The following KCNK13 variants were observed in gnomAD, a reference collection of about 807,000 sequenced individuals.
KCNK13 encodes the protein potassium channel subfamily K member 13.
A neutral mutation model predicts 23.4 loss-of-function variants in KCNK13; 12 were observed. That is an observed-to-expected ratio of 0.51 (90% confidence interval 0.33 to 0.83). The LOEUF (loss-of-function observed/expected upper bound fraction) is 0.83, where lower values mean the gene tolerates loss of function less well. KCNK13 is among the 40% of genes least tolerant of loss of function. The probability of loss-of-function intolerance (pLI) is 0.02; values close to 1 mark genes in which losing one functional copy is unlikely to be tolerated. For missense variants in KCNK13, 463 were observed against 556.3 expected, an observed-to-expected ratio of 0.83 and a Z score of 1.69; for synonymous variants, 231 against 229.5, an observed-to-expected ratio of 1.01 and a Z score of -0.06.
intron 1 of KCNK13, among the ~76,000 whole-genome samples, chr14:90,114,999 A>C (rs1379360054): frequency 6.6e-6 from 1 of 152,194 alleles, no homozygotes; most frequent in South Asian, 2.1e-4. Flanking sequence ...GGGCAAAACC[A>C]GCTCTCTTGT....
chr14:90,076,178 C>G (rs200293751), intron 1 of KCNK13, among the ~76,000 whole-genome samples: 51 of 152,368 alleles, frequency 3.3e-4, no homozygotes, highest in East Asian at 2.1e-3. Context: ...AGCATATTGA[C>G]TGCAGGTTGC....
chr14:90,133,020 A>G (rs1457839468), intron 1 of KCNK13, among the ~76,000 whole-genome samples: 1 of 152,164 alleles, frequency 6.6e-6, no homozygotes, highest in Non-Finnish European at 1.5e-5. Context: ...TAGCTTATCT[A>G]ACGTTTGGAC....
intron 1 of KCNK13, among the ~76,000 whole-genome samples, chr14:90,100,244 A>G (rs1245433946): frequency 6.6e-6 from 1 of 152,224 alleles, no homozygotes; most frequent in Admixed American, 6.5e-5. Flanking sequence ...ACCTTGATGT[A>G]AACACGTGAG....
chr14:90,141,576 G>C (rs1890005571), intron 1 of KCNK13, among the ~76,000 whole-genome samples: 1 of 152,058 alleles, frequency 6.6e-6, no homozygotes, highest in African/African-American at 2.4e-5. Flanking sequence ...TCCTGCCTCA[G>C]CCTCCCGAGT....
chr14:90,125,023 G>T (rs28497021), intron 1 of KCNK13, among the ~76,000 whole-genome samples: 3,964 of 152,230 alleles, frequency 0.026, 162 homozygotes, highest in African/African-American at 0.092. Context: ...CACGCTTTTT[G>T]ATGGAAGTTC....
At chr14:90,152,199 G>A (rs1301893215) in intron 1 of KCNK13, among the ~76,000 whole-genome samples, 1 of 152,158 alleles carries the variant, frequency 6.6e-6, no homozygotes, top group Non-Finnish European at 1.5e-5. Flanking sequence ...GTTTTATAAA[G>A]GGCAGTTTCC....
intron 1 of KCNK13, among the ~76,000 whole-genome samples, chr14:90,098,953 C>A: frequency 6.6e-6 from 1 of 152,006 alleles, no homozygotes; most frequent in East Asian, 1.9e-4. Context: ...TGGCAGGTGC[C>A]TGTATTCCCA....
intron 1 of KCNK13, among the ~76,000 whole-genome samples, chr14:90,067,997 G>A (rs1180127956): frequency 4.6e-5 from 7 of 152,140 alleles, no homozygotes; most frequent in African/African-American, 7.2e-5. Flanking sequence ...TGTGGGTGCT[G>A]GTGATGCTGC....
intron 1 of KCNK13, among the ~76,000 whole-genome samples, chr14:90,072,188 G>A (rs1193634568): frequency 6.6e-6 from 1 of 152,158 alleles, no homozygotes; most frequent in Non-Finnish European, 1.5e-5. Context: ...TACCTACTGC[G>A]TCTTCCTTTG....
rs1412894504 is a variant in KCNK13 at position 90,184,499 on chromosome 14, G to T, written c.723G>T (p.Gly241=). The T allele has an allele frequency of 6.2e-7, 1 of 1,614,224 alleles. No individual in the cohort carries two copies. ...TGGCTTTCAGCACCATTGGCTTTGG[G>T]GACCTGGTCAGCAGCCAGAACGCCC... is the stretch of plus-strand genomic sequence containing the variant. ...CFVAFSTIGF[G]DLVSSQNAHY... Residue 241 remains glycine (G), a synonymous_variant, in exon 2 of 2, where the codon GGG becomes GGT. Transcript: ENST00000282146. This position sits in a 1 kb window ranked among gnomAD's most constrained non-coding sequence, Gnocchi z 5.6.
intron 1 of KCNK13, among the ~76,000 whole-genome samples, chr14:90,089,530 A>G (rs1889318301): frequency 6.6e-6 from 1 of 152,236 alleles, no homozygotes; most frequent in Non-Finnish European, 1.5e-5. Context: ...GCAGCCTGAC[A>G]ATATGATAGA....
intron 1 of KCNK13, among the ~76,000 whole-genome samples, chr14:90,071,862 C>A (rs1334637193): frequency 6.6e-6 from 1 of 151,552 alleles, no homozygotes; most frequent in Admixed American, 6.6e-5. Flanking sequence ...CGCACCACTG[C>A]ACTCCAGCCT....
intron 1 of KCNK13, among the ~76,000 whole-genome samples, chr14:90,183,791 G>A (rs1481940638): frequency 1.3e-5 from 2 of 152,212 alleles, no homozygotes; most frequent in African/African-American, 4.8e-5. Flanking sequence ...ATATCTAGCA[G>A]AGAAGGGAAA....
intron 1 of KCNK13, among the ~76,000 whole-genome samples, chr14:90,089,802 G>T (rs541111208): frequency 6.6e-6 from 1 of 152,230 alleles, no homozygotes; most frequent in Non-Finnish European, 1.5e-5. Context: ...ATGACTAAAA[G>T]GGGCCAAGGT....
intron 1 of KCNK13, among the ~76,000 whole-genome samples, chr14:90,103,427 C>T (rs1889505271): frequency 6.6e-6 from 1 of 152,200 alleles, no homozygotes; most frequent in Admixed American, 6.5e-5. Context: ...TTCTCTGCAG[C>T]CTCGCCAGCA....
chr14:90,137,698 G>A (rs892437227), intron 1 of KCNK13, among the ~76,000 whole-genome samples: 4 of 152,096 alleles, frequency 2.6e-5, no homozygotes, highest in Admixed American at 6.6e-5. Flanking sequence ...TAAAAATGGA[G>A]GAAATAAATG....
chr14:90,153,831 T>A (rs997612114), intron 1 of KCNK13, among the ~76,000 whole-genome samples: 4 of 152,212 alleles, frequency 2.6e-5, no homozygotes, highest in Non-Finnish European at 5.9e-5. Context: ...CAGCTCTATG[T>A]CCTGTGTGCC....
At chr14:90,073,280 T>C (rs1240905485) in intron 1 of KCNK13, among the ~76,000 whole-genome samples, 1 of 152,164 alleles carries the variant, frequency 6.6e-6, no homozygotes, top group Non-Finnish European at 1.5e-5. Flanking sequence ...GTGTAAGGTT[T>C]GGGTAGCGTG....
intron 1 of KCNK13, among the ~76,000 whole-genome samples, chr14:90,100,025 G>A (rs1346134931): frequency 6.6e-6 from 1 of 152,116 alleles, no homozygotes; most frequent in East Asian, 1.9e-4. Flanking sequence ...CATTACCTAA[G>A]GCTCAGCTTG....
Sources: allele counts gnomAD v4.1 joint callset (sites outside exome capture counted in the v4.1 genomes callset), GRCh38; gene constraint gnomAD v4.1.1; non-coding constraint Gnocchi (gnomAD v3.1); transcripts MANE v1.5; gene names NCBI Gene and HGNC (gene_info 2026-07-23, HGNC 2026-07-21).